ALG9: variants seen among roughly 807,000 people sequenced by gnomAD.
ALG9 encodes alpha-1,2-mannosyltransferase ALG9.
Under a neutral mutation model 81.8 loss-of-function variants are expected in ALG9, and 55 were observed. The observed-to-expected ratio is 0.67, with a 90% CI of 0.54 to 0.84. ALG9 has a LOEUF of 0.84. ALG9 is among the 40% of genes least tolerant of loss of function. The pLI, the probability that ALG9 is intolerant of heterozygous loss-of-function variation, is 0.00. For synonymous variants in ALG9, 278 were observed against 274.3 expected (o/e 1.01, Z -0.13); for missense variants, 629 against 745.0 (o/e 0.84, Z 1.81).
chr11:111,831,318 G>A (rs1592138714), intron 13 of ALG9, among the ~76,000 whole-genome samples: 1 of 152,282 alleles, frequency 6.6e-6, no homozygotes, highest in East Asian at 1.9e-4. Context: ...TGAGATTGCA[G>A]GTGTGAGCCA....
chr11:111,835,116 T>A (rs1194246407), intron 13 of ALG9, among the ~76,000 whole-genome samples: 1 of 152,236 alleles, frequency 6.6e-6, no homozygotes, highest in East Asian at 1.9e-4. Context: ...ATTGGAAGTC[T>A]TGCTATTTTA....
At chr11:111,777,419 TA>T (rs1383426381), downstream of ALG9, among the ~76,000 whole-genome samples, 1 of 152,168 alleles carries the variant, frequency 6.6e-6, no homozygotes, top group Non-Finnish European at 1.5e-5. Flanking sequence ...TGACATGAAC[TA>T]AATTGCTGGA....
the ALG9 span, among the ~76,000 whole-genome samples, chr11:111,773,417 G>A: frequency 1.3e-5 from 2 of 152,002 alleles, no homozygotes; most frequent in Non-Finnish European, 2.9e-5. Context: ...GCTAATTTTT[G>A]TATTTTTAGT....
intron 3 of ALG9, 57 bp downstream of exon 3, chr11:111,868,545 T>A (rs1054912784): frequency 6.3e-7 from 1 of 1,583,346 alleles, no homozygotes; most frequent in African/African-American, 1.4e-5. Flanking sequence ...CTCAAAACTA[T>A]ACCAGAGACT....
At chr11:111,852,500 C>T (rs1418059186) in intron 8 of ALG9, among the ~76,000 whole-genome samples, 2 of 152,148 alleles carry the variant, frequency 1.3e-5, no homozygotes, top group Non-Finnish European at 1.5e-5. Context: ...TGGTCAACTT[C>T]CCCACCCTCC....
At chr11:111,869,441 T>C (rs1229638630) in intron 2 of ALG9, among the ~76,000 whole-genome samples, 9 of 152,070 alleles carry the variant, frequency 5.9e-5, no homozygotes, top group African/African-American at 2.2e-4. Flanking sequence ...TTGGTAACCG[T>C]CAGAAGAAAT....
At chr11:111,805,462 A>G in intron 14 of ALG9, 1 of 387,186 alleles carries the variant, frequency 2.6e-6, no homozygotes, top group South Asian at 1.9e-5. Context: ...CAGACAATGG[A>G]ATATTATTCA....
chr11:111,817,252 A>G (rs572898729), intron 13 of ALG9: 1 of 152,424 alleles, frequency 6.6e-6, no homozygotes, highest in South Asian at 2.1e-4. Flanking sequence ...AGAGAGGCCT[A>G]TACTAGCTAT....
chr11:111,805,392 T>C (rs1001655313), intron 14 of ALG9: 37 of 447,856 alleles, frequency 8.3e-5, no homozygotes, highest in Admixed American at 4.8e-4. Flanking sequence ...CTAAGACCAA[T>C]GTCAAAACTT....
rs370751928 is a variant in ALG9, at chr11:111,838,253, G to A, written c.1320C>T (p.Phe440=). ...LLSFSRSVAL[F]RGYHGPLDLY... ...AGATATTCTTAGAAGATCTACCTCT[G>A]AACAGTGCCACAGAGCGAGAAAATG... is the stretch of plus-strand genomic sequence containing the variant. The change falls in exon 11 of 15, where the codon TTC becomes TTT. Residue 440 remains phenylalanine (F), a synonymous_variant. Coordinates refer to ENST00000616540, the MANE Select transcript of ALG9 (RefSeq NM_024740.2). 2.1e-5 allele frequency: 34 copies of A among 1,614,084 alleles called. No individual in the cohort carries two copies. The African/African-American group carries it at 3.3e-4, about 16-fold the overall frequency.
intron 6 of ALG9, among the ~76,000 whole-genome samples, chr11:111,854,963 T>C (rs539743309): frequency 6.6e-6 from 1 of 152,314 alleles, no homozygotes; most frequent in East Asian, 1.9e-4. Flanking sequence ...CTCATCGAAA[T>C]GTGGCACCCA....
chr11:111,825,799 G>A (rs1198178160), intron 13 of ALG9, among the ~76,000 whole-genome samples: 2 of 151,998 alleles, frequency 1.3e-5, no homozygotes, highest in East Asian at 3.9e-4. Flanking sequence ...TGTAATCCCA[G>A]CACTTTGGGA....
At chr11:111,846,131 GA>G (rs1318366679) in intron 8 of ALG9, among the ~76,000 whole-genome samples, 1 of 152,174 alleles carries the variant, frequency 6.6e-6, no homozygotes, top group Non-Finnish European at 1.5e-5. Context: ...ATCTTAATTA[GA>G]ATTTAACAAC....
rs181258908 is a variant in ALG9 at position 111,828,147 on chromosome 11, T to C, written c.1602+8018A>G. ...AGATGGAGGTTGCAGTGAGCCAAGA[T>C]TGCGCCACTGCACTCCAGCCTGGGT... is the stretch of plus-strand genomic sequence containing the variant. On this transcript the variant is annotated intron_variant, in intron 13 of 14. Coordinates refer to ENST00000616540, the MANE Select transcript of ALG9 (RefSeq NM_024740.2). 6.6e-3 allele frequency among the ~76,000 whole-genome samples: 1,007 copies of C among 152,196 alleles called. 6 individuals are homozygous for C. The highest frequency in any genetic ancestry group is 0.051 in the Middle Eastern group (15 of 294).
At chr11:111,821,458 G>A (rs7113067) in intron 13 of ALG9, among the ~76,000 whole-genome samples, 40,425 of 151,974 alleles carry the variant, frequency 0.27, 5,601 homozygotes, top group Admixed American at 0.34. Flanking sequence ...AGTCAAGCTC[G>A]ACAGGGTCTT....
chr11:111,833,060 C>G (rs1954651842), intron 13 of ALG9, among the ~76,000 whole-genome samples: 1 of 152,050 alleles, frequency 6.6e-6, no homozygotes, highest in Non-Finnish European at 1.5e-5. Context: ...AGGAAAACTT[C>G]CAGCAAGTCT....
At chr11:111,843,045 G>A (rs1019356519) in intron 9 of ALG9, among the ~76,000 whole-genome samples, 15 of 151,984 alleles carry the variant, frequency 9.9e-5, no homozygotes, top group African/African-American at 2.4e-4. Flanking sequence ...GTAGCCTCCC[G>A]GGCAGCTGGA....
chr11:111,773,692 G>T, the ALG9 span, among the ~76,000 whole-genome samples: 1 of 151,122 alleles, frequency 6.6e-6, no homozygotes, highest in Non-Finnish European at 1.5e-5. Context: ...AAAATGTTTT[G>T]TTATGGTGTT....
At chr11:111,830,355 G>A (rs1371493477) in intron 13 of ALG9, among the ~76,000 whole-genome samples, 1 of 152,066 alleles carries the variant, frequency 6.6e-6, no homozygotes, top group Non-Finnish European at 1.5e-5. Context: ...TTAGTTTTTT[G>A]TCTCTCATAT....
Sources: allele counts gnomAD v4.1 joint callset (sites outside exome capture counted in the v4.1 genomes callset), GRCh38; gene constraint gnomAD v4.1.1; transcripts MANE v1.5; gene names NCBI Gene and HGNC (gene_info 2026-07-23, HGNC 2026-07-21).